RNF8: variants seen among roughly 807,000 people sequenced by gnomAD.
RNF8 encodes the protein E3 ubiquitin-protein ligase RNF8.
RNF8 carries 8 observed loss-of-function variants against 59.3 expected under a neutral mutation model. The ratio of observed to expected loss-of-function variants is 0.13; its 90% CI spans 0.08 to 0.24. The LOEUF (loss-of-function observed/expected upper bound fraction) is 0.24. Among genes scored for constraint, RNF8 ranks in the 10% least tolerant of loss-of-function variants. The pLI, the probability that RNF8 is intolerant of heterozygous loss-of-function variation, is 1.00. For missense variants in RNF8, 406 were observed against 572.6 expected, an observed-to-expected ratio of 0.71 and a Z score of 2.97; for synonymous variants, 162 against 200.0, an observed-to-expected ratio of 0.81 and a Z score of 1.60.
chr6:37,383,536 C>T (rs1482656587), intron 7 of RNF8, among the ~76,000 whole-genome samples: 1 of 152,234 alleles, frequency 6.6e-6, no homozygotes, highest in Non-Finnish European at 1.5e-5. Flanking sequence ...CTGCCTGTGG[C>T]CACAGGGTGT....
chr6:37,392,669 A>T lies in RNF8; in HGVS notation c.*1911A>T, dbSNP rs1043223015. On this transcript the variant is annotated 3_prime_UTR_variant, in exon 8 of 8. Coordinates refer to ENST00000373479, the MANE Select transcript of RNF8 (RefSeq NM_003958.4). ...CTTTATTACAGCTGCCTGTTTTTTC[A>T]TTGTGTATTTGCACCATCATTTACT... is the stretch of plus-strand genomic sequence containing the variant. 1.0e-5 allele frequency: 4 copies of T among 398,318 alleles called. No individual in the cohort carries two copies. Among genetic ancestry groups the T allele is most frequent in the African/African-American group, 8.2e-5 (4 of 48,578 alleles). 24.7% of individuals were successfully genotyped at this position (398,318 alleles called of 1,614,324 possible).
At position 37,358,819 on chromosome 6, in the gene RNF8, G is replaced by T. The variant is rs151269837; in HGVS notation, c.112-1627G>T. Among the ~76,000 whole-genome samples, 74 of 152,234 alleles carry T rather than the reference G, an allele frequency of 4.9e-4. No individual in the cohort carries two copies. The East Asian group carries it at 0.013, about 27-fold the overall frequency. On this transcript the variant is annotated intron_variant, in intron 1 of 7. Transcript: ENST00000373479. ...CACTAAGAAGAATATGCAGGGAGCCGGGCGCGGTGGCTCACACCTGTAATC... is the reference window on the plus strand; with the variant it reads ...CACTAAGAAGAATATGCAGGGAGCCTGGCGCGGTGGCTCACACCTGTAATC...
chr6:37,393,283 CTG>C lies in RNF8; in HGVS notation c.*2527_*2528del, dbSNP rs1770775184. ...TTTCTTCATCTCTAAGTAATTATAT[CTG>C]TCATTATTGCCCTGATCACAAACAA... On this transcript the variant is annotated 3_prime_UTR_variant, in exon 8 of 8. Transcript: ENST00000373479. The C allele has an allele frequency of 6.6e-6, 1 of 152,220 alleles. No individual in the cohort carries two copies. The highest frequency in any genetic ancestry group is 2.4e-5 in the African/African-American group (1 of 41,458). 9.4% of individuals were successfully genotyped at this position (152,220 alleles called of 1,614,324 possible). A position where few individuals can be genotyped will look rare whatever the true frequency, so the allele number is the denominator to read the frequency against.
intron 7 of RNF8, among the ~76,000 whole-genome samples, chr6:37,384,191 A>G (rs554460905): frequency 1.9e-4 from 29 of 148,938 alleles, no homozygotes; most frequent in Non-Finnish European, 4.0e-4. Context: ...GAAAGGCTGA[A>G]GTTTAATGGC....
chr6:37,363,125 C>T (rs147883006), intron 2 of RNF8, among the ~76,000 whole-genome samples: 11 of 152,238 alleles, frequency 7.2e-5, no homozygotes, highest in African/African-American at 2.6e-4. Context: ...CCTGGTGATT[C>T]CTACCTTTGT....
chr6:37,362,985 A>G (rs1769386506), intron 2 of RNF8, among the ~76,000 whole-genome samples: 4 of 152,174 alleles, frequency 2.6e-5, no homozygotes, highest in Admixed American at 2.0e-4. Context: ...CGTCCTTTGT[A>G]TTGGTATCCA....
At chr6:37,369,382 T>C (rs1212224471) in intron 3 of RNF8, among the ~76,000 whole-genome samples, 164 bp downstream of exon 3, 1 of 151,930 alleles carries the variant, frequency 6.6e-6, no homozygotes, top group Non-Finnish European at 1.5e-5. Context: ...GGGAAGGGGA[T>C]TGAGTAGAGG....
chr6:37,376,863 C>G (rs1455673784), intron 5 of RNF8, 63 bp from the exon 6 acceptor site: 3 of 1,000,496 alleles, frequency 3.0e-6, no homozygotes, highest in South Asian at 1.3e-5. Context: ...TGACCCTGCT[C>G]CCTGTCCCAT....
At chr6:37,362,267 G>C (rs1434915414) in intron 2 of RNF8, among the ~76,000 whole-genome samples, 1 of 152,154 alleles carries the variant, frequency 6.6e-6, no homozygotes, top group Non-Finnish European at 1.5e-5. Context: ...CATAGGTTGG[G>C]AAGCCAACAG....
At position 37,360,097 on chromosome 6, in the gene RNF8, T is replaced by G. The variant is rs1474918727; in HGVS notation, c.112-349T>G. ...GAGACATTTTAAAAATTGGAGGGCCTGCCTTATGTAAAGTTACTGACAGTA... is the reference window on the plus strand; with the variant it reads ...GAGACATTTTAAAAATTGGAGGGCCGGCCTTATGTAAAGTTACTGACAGTA... On this transcript the variant is annotated intron_variant, in intron 1 of 7. Transcript: ENST00000373479. The surrounding 1 kb of genome is among the most constrained non-coding windows in gnomAD (Gnocchi z 4.2). 6.6e-6 allele frequency among the ~76,000 whole-genome samples: 1 copy of G among 152,230 alleles called. No homozygotes were observed. The highest frequency in any genetic ancestry group is 2.4e-5 in the African/African-American group (1 of 41,468).
intron 6 of RNF8, among the ~76,000 whole-genome samples, chr6:37,379,443 T>A (rs2113829786): frequency 6.6e-6 from 1 of 152,226 alleles, no homozygotes; most frequent in East Asian, 1.9e-4. Flanking sequence ...TTTGCACTGT[T>A]ATCCTAAGAG....
At chr6:37,367,982 A>C (rs1225815636) in intron 2 of RNF8, among the ~76,000 whole-genome samples, 1 of 151,836 alleles carries the variant, frequency 6.6e-6, no homozygotes, top group East Asian at 1.9e-4. Flanking sequence ...CTGCCATTTG[A>C]CCCCAGTACC....
rs1299831232 is a variant in RNF8 at position 37,369,098 on chromosome 6, T to G, written c.855T>G (p.Val285=). 12 of 1,614,036 alleles carry G rather than the reference T, an allele frequency of 7.4e-6. No individual in the cohort carries two copies. Among genetic ancestry groups the G allele is most frequent in the Non-Finnish European group, 1.0e-5 (12 of 1,180,034 alleles). ...KQTQKGNSKK[V]VQMEQELQDL... ...CCCAAAAGGGGAACTCAAAGAAAGT[T>G]GTGCAAATGGAGCAGGAACTTCAGG... The change falls in exon 3 of 8, where the codon GTT becomes GTG. Residue 285 remains valine, a synonymous_variant. Coordinates refer to ENST00000373479, the MANE Select transcript of RNF8 (RefSeq NM_003958.4).
intron 4 of RNF8, among the ~76,000 whole-genome samples, chr6:37,374,214 T>A (rs1018984411): frequency 2.9e-4 from 44 of 152,212 alleles, no homozygotes; most frequent in African/African-American, 1.0e-3. Context: ...GAATAGCTTT[T>A]AATTACTTAC....
At position 37,392,736 on chromosome 6, in the gene RNF8, C is replaced by A. The variant is rs1770760446; in HGVS notation, c.*1978C>A. On this transcript the variant is annotated 3_prime_UTR_variant, in exon 8 of 8. Coordinates refer to ENST00000373479, the MANE Select transcript of RNF8 (RefSeq NM_003958.4). ...GATAGAAATCTAGGTTGGTTCAAAC[C>A]TTTTTACTCTTAAAACAATGCTGCA... The A allele has an allele frequency of 2.5e-6, 1 of 398,432 alleles. No homozygotes were observed. The highest frequency in any genetic ancestry group is 3.6e-5 in the East Asian group (1 of 28,066). The allele number at this position is 398,432 out of a possible 1,614,324, so 24.7% of individuals were successfully genotyped here. A position where few individuals can be genotyped will look rare whatever the true frequency, so the allele number is the denominator to read the frequency against.
intron 3 of RNF8, chr6:37,370,197 T>G (rs574244084): frequency 6.6e-6 from 1 of 152,330 alleles, no homozygotes; most frequent in Middle Eastern, 3.4e-3. Context: ...TCTGAGCAAT[T>G]TATAAATTTC....
At chr6:37,367,786 G>A (rs1452680740) in intron 2 of RNF8, among the ~76,000 whole-genome samples, 1 of 152,174 alleles carries the variant, frequency 6.6e-6, no homozygotes, top group African/African-American at 2.4e-5. Flanking sequence ...TTCCTCACTG[G>A]AACAGTGTGA....
At position 37,393,608 on chromosome 6, in the gene RNF8, T is replaced by A. The variant is rs1432256255; in HGVS notation, c.*2850T>A. Reference sequence around the variant, plus strand: ...TATCTGGTTTTATTAAGCAGATGAATGCAGCCAGCTATATGAAGCACTTTG... The same window carrying A: ...TATCTGGTTTTATTAAGCAGATGAAAGCAGCCAGCTATATGAAGCACTTTG... On this transcript the variant is annotated 3_prime_UTR_variant, in exon 8 of 8. Transcript: ENST00000373479. 6.6e-6 allele frequency: 1 copy of A among 152,234 alleles called. No homozygotes were observed. The highest frequency in any genetic ancestry group is 1.5e-5 in the Non-Finnish European group (1 of 68,050). The allele number at this position is 152,234 out of a possible 1,614,324, so 9.4% of individuals were successfully genotyped here.
chr6:37,373,434 T>G (rs1327983729), intron 4 of RNF8, among the ~76,000 whole-genome samples: 1 of 152,220 alleles, frequency 6.6e-6, no homozygotes, highest in Non-Finnish European at 1.5e-5. Flanking sequence ...TGAGACAGTG[T>G]CTCGTTCTGT....
Sources: allele counts gnomAD v4.1 joint callset (sites outside exome capture counted in the v4.1 genomes callset), GRCh38; gene constraint gnomAD v4.1.1; non-coding constraint Gnocchi (gnomAD v3.1); transcripts MANE v1.5; gene names NCBI Gene and HGNC (gene_info 2026-07-23, HGNC 2026-07-21).